Variants in IPO7 observed in about 807,000 individuals in gnomAD.
IPO7 encodes the protein importin 7.
Under a neutral mutation model 136.4 loss-of-function variants are expected in IPO7, and 13 were observed. That is an observed-to-expected ratio of 0.10 (90% CI 0.06 to 0.15). The LOEUF (loss-of-function observed/expected upper bound fraction) is 0.15. Ranked by LOEUF, IPO7 falls within the 10% of genes least tolerant of loss-of-function variation. The pLI, the probability that IPO7 is intolerant of heterozygous loss-of-function variation, is 1.00. For missense variants in IPO7, 857 were observed against 1,240.6 expected, an observed-to-expected ratio of 0.69 and a Z score of 4.65; for synonymous variants, 403 against 404.4, an observed-to-expected ratio of 1.00 and a Z score of 0.04.
chr11:9,414,619 C>CTTTTTTTTTTTTTTTTTTTTTTTTTTTT (rs1164303193), intron 5 of IPO7: 1 of 71,068 alleles, frequency 1.4e-5, no homozygotes, highest in Non-Finnish European at 2.6e-5. Context: ...CCTAATGAAT[C>CTTTTTTTTTTTTTTTTTTTTTTTTTTTT]TTTTTTTTTT....
At chr11:9,426,736 A>G (rs1855214540) in intron 12 of IPO7, among the ~76,000 whole-genome samples, 1 of 152,040 alleles carries the variant, frequency 6.6e-6, no homozygotes, top group Non-Finnish European at 1.5e-5. Flanking sequence ...CCTTGCCCCA[A>G]AAAAATTGCT....
intron 24 of IPO7, among the ~76,000 whole-genome samples, chr11:9,444,595 C>T (rs1033672904): frequency 2.0e-5 from 3 of 151,594 alleles, no homozygotes; most frequent in African/African-American, 7.3e-5. Flanking sequence ...AAACTCCTGA[C>T]TCCTGAGGCG....
At chr11:9,408,840 A>G (rs1854927407) in intron 3 of IPO7, among the ~76,000 whole-genome samples, 1 of 149,420 alleles carries the variant, frequency 6.7e-6, no homozygotes, top group South Asian at 2.1e-4. Context: ...CAGCTCCACG[A>G]GTAGCTGGGA....
At chr11:9,438,794 G>T (rs997321608) in intron 22 of IPO7, among the ~76,000 whole-genome samples, 1 of 152,168 alleles carries the variant, frequency 6.6e-6, no homozygotes, top group African/African-American at 2.4e-5. Context: ...AACCATTATA[G>T]TATGCAACCA....
chr11:9,432,411 G>A (rs1287284448), intron 16 of IPO7, among the ~76,000 whole-genome samples: 2 of 151,900 alleles, frequency 1.3e-5, no homozygotes, highest in Non-Finnish European at 2.9e-5. Context: ...CATGTTGGCC[G>A]GCAGGTCTGG....
intron 10 of IPO7, among the ~76,000 whole-genome samples, chr11:9,424,707 A>C (rs1855179684): frequency 6.6e-6 from 1 of 152,134 alleles, no homozygotes; most frequent in Non-Finnish European, 1.5e-5. Context: ...CGCCCACTGC[A>C]CTCCAGCCTG....
chr11:9,426,674 A>G lies in IPO7; in HGVS notation c.1335+1412A>G, dbSNP rs186832838. Among the ~76,000 whole-genome samples the G allele has an allele frequency of 3.3e-3, 501 of 152,258 alleles. 2 individuals are homozygous for G. Among genetic ancestry groups the G allele is most frequent in the African/African-American group, 0.012 (483 of 41,554 alleles). On this transcript the variant is annotated intron_variant, in intron 12 of 24. Transcript: ENST00000379719. ...TGTCTTTGTGGCTTTGAAATTTTTCATGTGCTTACTATCCGTTTGTATATT... is the reference window on the plus strand; with the variant it reads ...TGTCTTTGTGGCTTTGAAATTTTTCGTGTGCTTACTATCCGTTTGTATATT...
At chr11:9,444,715 G>A (rs911331507) in intron 24 of IPO7, among the ~76,000 whole-genome samples, 3 of 151,640 alleles carry the variant, frequency 2.0e-5, no homozygotes, top group African/African-American at 7.3e-5. Flanking sequence ...CGCACTTGTA[G>A]TCCCAGCTAC....
intron 1 of IPO7, among the ~76,000 whole-genome samples, chr11:9,388,773 C>T (rs1327864373): frequency 6.6e-6 from 1 of 152,098 alleles, no homozygotes; most frequent in African/African-American, 2.4e-5. Context: ...CTACATAGTA[C>T]ACTACAGCCT....
chr11:9,408,711 T>G (rs1014885797), intron 3 of IPO7, 72 bp downstream of exon 3: 38 of 961,396 alleles, frequency 4.0e-5, no homozygotes, highest in African/African-American at 7.5e-5. Flanking sequence ...TTGGTTTTTT[T>G]TTTTTTTTTT....
intron 16 of IPO7, 85 bp from the exon 17 acceptor site, chr11:9,433,485 A>T: frequency 1.2e-6 from 1 of 822,608 alleles, no homozygotes; most frequent in Non-Finnish European, 2.0e-6. Context: ...CTTTATATTT[A>T]AGTGTACTGA....
intron 1 of IPO7, among the ~76,000 whole-genome samples, chr11:9,387,560 G>C (rs1057149750): frequency 2.0e-5 from 3 of 152,308 alleles, no homozygotes; most frequent in Middle Eastern, 3.4e-3. Context: ...GGCCAGGCAC[G>C]GTGGCTCACG....
At chr11:9,433,495 A>T (rs1004080094) in intron 16 of IPO7, 75 bp from the exon 17 acceptor site, 1 of 968,832 alleles carries the variant, frequency 1.0e-6, no homozygotes, top group Non-Finnish European at 1.6e-6. Flanking sequence ...AAGTGTACTG[A>T]ATTATAATAT....
In IPO7 at chr11:9,436,334, A is replaced by G. The variant is rs1031577984; in HGVS notation, c.2236A>G (p.Ile746Val). 2 of 1,613,912 alleles carry G rather than the reference A, an allele frequency of 1.2e-6. No homozygotes were observed. Among genetic ancestry groups the G allele is most frequent in the Non-Finnish European group, 1.7e-6 (2 of 1,179,802 alleles). Residue 746 changes from isoleucine to valine, a missense_variant, in exon 20 of 25, where the codon ATT becomes GTT. Transcript: ENST00000379719. ...CHAAKLLEVI[I>V]LQCKGRGIDQ... ...TGCAGCAAAATTGTTAGAGGTCATC[A>G]TTCTGCAGTGCAAAGGGCGTGGCAT... is the stretch of plus-strand genomic sequence containing the variant.
At chr11:9,398,251 A>G (rs188686116) in intron 1 of IPO7, among the ~76,000 whole-genome samples, 2 of 152,360 alleles carry the variant, frequency 1.3e-5, no homozygotes, top group East Asian at 3.9e-4. Context: ...CATATGAAGA[A>G]CTGGGGATAT....
intron 20 of IPO7, among the ~76,000 whole-genome samples, chr11:9,436,651 T>TTTTTGTTTGTTTGTTTTG (rs1229989029): frequency 6.6e-6 from 1 of 150,974 alleles, no homozygotes; most frequent in Non-Finnish European, 1.5e-5. Flanking sequence ...ATGGTCAGTT[T>TTTTTGTTTGTTTGTTTTG]TTTTGTTTGT....
At chr11:9,433,190 T>TG (rs1855324426) in intron 16 of IPO7, 1 of 170,286 alleles carries the variant, frequency 5.9e-6, no homozygotes, top group Non-Finnish European at 1.3e-5. Context: ...TTCACCATGC[T>TG]GGCCAGGCTG....
intron 10 of IPO7, among the ~76,000 whole-genome samples, chr11:9,424,471 G>A (rs1181866195): frequency 2.0e-5 from 3 of 152,004 alleles, no homozygotes; most frequent in East Asian, 1.9e-4. Flanking sequence ...GGCCAGGTGC[G>A]GTGGCTAAGG....
chr11:9,400,971 CAGA>C (rs776835152), intron 1 of IPO7, among the ~76,000 whole-genome samples: 2 of 151,610 alleles, frequency 1.3e-5, no homozygotes, highest in Non-Finnish European at 2.9e-5. Flanking sequence ...CACCTGCAGT[CAGA>C]AGTTCGAGAC....
Sources: allele counts gnomAD v4.1 joint callset (sites outside exome capture counted in the v4.1 genomes callset), GRCh38; gene constraint gnomAD v4.1.1; transcripts MANE v1.5; gene names NCBI Gene and HGNC (gene_info 2026-07-23, HGNC 2026-07-21).